PHKB: variants seen among roughly 807,000 people sequenced by gnomAD.
The protein encoded by PHKB is phosphorylase b kinase regulatory subunit beta.
A neutral mutation model predicts 152.1 loss-of-function variants in PHKB; 122 were observed. The ratio of observed to expected loss-of-function variants is 0.80; its 90% CI spans 0.69 to 0.93. PHKB has a LOEUF of 0.93. Ranked by LOEUF, PHKB falls within the 40% of genes least tolerant of loss-of-function variation. PHKB has a pLI of 0.00. For missense variants in PHKB, 1,304 were observed against 1,328.4 expected, an observed-to-expected ratio of 0.98 and a Z score of 0.29; for synonymous variants, 436 against 464.9, an observed-to-expected ratio of 0.94 and a Z score of 0.80.
intron 7 of PHKB, chr16:47,548,204 CAAAAT>C: frequency 6.6e-6 from 1 of 152,554 alleles, no homozygotes; most frequent in African/African-American, 2.4e-5. Flanking sequence ...ATTTTAATAA[CAAAAT>C]AATATAGTTC....
chr16:47,497,629 T>C, intron 2 of PHKB, 141 bp downstream of exon 2: 2 of 677,718 alleles, frequency 3.0e-6, no homozygotes, highest in South Asian at 3.1e-5. Flanking sequence ...AGTAGCTGTG[T>C]ATTCCAATTG....
At chr16:47,594,878 C>T (rs1972091334) in intron 12 of PHKB, among the ~76,000 whole-genome samples, 1 of 152,142 alleles carries the variant, frequency 6.6e-6, no homozygotes, top group African/African-American at 2.4e-5. Context: ...AAAGTATTGA[C>T]AATCACAGCA....
chr16:47,666,565 T>C (rs1231567609), intron 25 of PHKB, among the ~76,000 whole-genome samples: 2 of 152,242 alleles, frequency 1.3e-5, no homozygotes, highest in Non-Finnish European at 2.9e-5. Context: ...CAGTTAGCAG[T>C]GGTCTCTCTC....
intron 8 of PHKB, among the ~76,000 whole-genome samples, chr16:47,586,302 G>A (rs1402649712): frequency 6.6e-6 from 1 of 152,220 alleles, no homozygotes; most frequent in Admixed American, 6.5e-5. Flanking sequence ...TGAAAGCAGA[G>A]TGCACAGTAC....
intron 13 of PHKB, among the ~76,000 whole-genome samples, chr16:47,607,575 A>G (rs1301273072): frequency 1.3e-5 from 2 of 152,176 alleles, no homozygotes; most frequent in African/African-American, 2.4e-5. Context: ...TTATTTACCC[A>G]TTCATCAGGA....
At chr16:47,658,185 G>A (rs184348050) in intron 20 of PHKB, among the ~76,000 whole-genome samples, 193 of 152,000 alleles carry the variant, frequency 1.3e-3, no homozygotes, top group Middle Eastern at 3.4e-3. Context: ...TTTCCTCCTC[G>A]CTGCTCTCAA....
intron 14 of PHKB, among the ~76,000 whole-genome samples, chr16:47,633,443 A>T (rs1047037359): frequency 1.3e-5 from 2 of 152,218 alleles, no homozygotes; most frequent in Admixed American, 6.5e-5. Context: ...CAGACCACTC[A>T]TACACATTCT....
intron 26 of PHKB, among the ~76,000 whole-genome samples, chr16:47,684,659 C>T (rs866593176): frequency 4.6e-5 from 7 of 151,984 alleles, no homozygotes; most frequent in Admixed American, 1.3e-4. Context: ...CCCAGCTACT[C>T]GGGAAGCTGA....
At chr16:47,665,949 G>T in intron 25 of PHKB, 1 of 1,613,476 alleles carries the variant, frequency 6.2e-7, no homozygotes, top group African/African-American at 1.3e-5. Context: ...CAGGTCGGTT[G>T]TACGCCGTGC....
intron 20 of PHKB, among the ~76,000 whole-genome samples, chr16:47,659,187 A>G (rs950898105): frequency 2.6e-5 from 4 of 152,144 alleles, no homozygotes; most frequent in Admixed American, 1.3e-4. Flanking sequence ...AGGAAGCTTT[A>G]TTATGATTGC....
intron 16 of PHKB, 74 bp from the exon 17 acceptor site, chr16:47,648,459 C>A: frequency 9.7e-7 from 1 of 1,033,594 alleles, no homozygotes; most frequent in Non-Finnish European, 1.5e-6. Context: ...CAAAAATTAA[C>A]AGGACAATAC....
At chr16:47,655,926 A>T (rs1973328251) in intron 20 of PHKB, among the ~76,000 whole-genome samples, 1 of 152,088 alleles carries the variant, frequency 6.6e-6, no homozygotes, top group Non-Finnish European at 1.5e-5. Context: ...TGTCTACTTC[A>T]CTACCTATCT....
At chr16:47,494,311 A>G (rs1337977590) in intron 1 of PHKB, among the ~76,000 whole-genome samples, 2 of 152,238 alleles carry the variant, frequency 1.3e-5, no homozygotes, top group Non-Finnish European at 2.9e-5. Context: ...TCTGATTAGC[A>G]TCAGTTACAG....
At chr16:47,618,121 G>C (rs1044765308) in intron 14 of PHKB, among the ~76,000 whole-genome samples, 1 of 152,234 alleles carries the variant, frequency 6.6e-6, no homozygotes, top group Non-Finnish European at 1.5e-5. Flanking sequence ...ACCTGCTGCA[G>C]CACTTTGGTG....
intron 1 of PHKB, among the ~76,000 whole-genome samples, chr16:47,482,752 C>T (rs1289150928): frequency 6.6e-6 from 1 of 152,048 alleles, no homozygotes; most frequent in African/African-American, 2.4e-5. Flanking sequence ...TAGGTTCTGA[C>T]TTTATCACCC....
chr16:47,601,099 C>A (rs1972216758), intron 13 of PHKB, among the ~76,000 whole-genome samples: 1 of 152,268 alleles, frequency 6.6e-6, no homozygotes, highest in South Asian at 2.1e-4. Context: ...TGGCTGTAGT[C>A]CCAGCTACTC....
intron 26 of PHKB, among the ~76,000 whole-genome samples, chr16:47,677,623 A>G (rs1172612779): frequency 1.3e-5 from 2 of 152,086 alleles, no homozygotes; most frequent in African/African-American, 4.8e-5. Flanking sequence ...CCCCAACCTC[A>G]TGACCTCATC....
chr16:47,575,689 C>T (rs1457546829), intron 7 of PHKB, among the ~76,000 whole-genome samples: 25 of 152,034 alleles, frequency 1.6e-4, no homozygotes, highest in Admixed American at 1.6e-3. Flanking sequence ...GAATGATAGA[C>T]ATTGGAGCCT....
chr16:47,543,279 G>T (rs893687920), intron 6 of PHKB, among the ~76,000 whole-genome samples: 1 of 152,104 alleles, frequency 6.6e-6, no homozygotes, highest in Non-Finnish European at 1.5e-5. Context: ...TTTGTCTTTG[G>T]TTCTGTTTAT....
Sources: gnomAD v4.1 joint callset for allele counts (sites outside exome capture counted in the v4.1 genomes callset) on GRCh38, gnomAD v4.1.1 for gene constraint, MANE v1.5 for transcripts, NCBI Gene and HGNC (gene_info 2026-07-23, HGNC 2026-07-21) for gene names.